Variants in CNKSR1 observed in about 807,000 individuals in gnomAD.
The protein encoded by CNKSR1 is CNK homolog protein 1.
CNKSR1 carries 88 observed loss-of-function variants against 95.6 expected under a neutral mutation model. That is an observed-to-expected ratio of 0.92 (90% CI 0.78 to 1.10). The LOEUF (loss-of-function observed/expected upper bound fraction) is 1.10, where lower values mean the gene tolerates loss of function less well. Among genes scored for constraint, CNKSR1 ranks in the 50% least tolerant of loss-of-function variants. The pLI, the probability that CNKSR1 is intolerant of heterozygous loss-of-function variation, is 0.00. For missense variants in CNKSR1, 836 were observed against 912.0 expected, an observed-to-expected ratio of 0.92 and a Z score of 1.07; for synonymous variants, 355 against 369.7, an observed-to-expected ratio of 0.96 and a Z score of 0.46.
chr1:26,184,160 G>T lies in CNKSR1; in HGVS notation c.926+19G>T, dbSNP rs200925514. On this transcript the variant is annotated intron_variant, in intron 10 of 20. Coordinates refer to ENST00000361530, the MANE Select transcript of CNKSR1 (RefSeq NM_006314.3). ...CTCCCAGGTAACAGGCTCTGTCCAG[G>T]TGTGTCTTGGTGGGGAGACCGTGGG... The T allele has an allele frequency of 6.2e-7, 1 of 1,612,564 alleles. No individual in the cohort carries two copies. Among genetic ancestry groups the T allele is most frequent in the Non-Finnish European group, 8.5e-7 (1 of 1,179,388 alleles).
rs376326724 is a variant in CNKSR1 at position 26,184,629 on chromosome 1, A to T, written c.1135+17A>T. ...AATCAAAAGGTATGAGGTGCGCTGG[A>T]CTAGGTGGGGGTTCCCCTGTTTGAG... is the stretch of plus-strand genomic sequence containing the variant. On this transcript the variant is annotated intron_variant, in intron 13 of 20. Coordinates refer to ENST00000361530, the MANE Select transcript of CNKSR1 (RefSeq NM_006314.3). 1 of 1,592,024 alleles carries T rather than the reference A, an allele frequency of 6.3e-7. No homozygotes were observed.
At position 26,189,533 on chromosome 1, in the gene CNKSR1, A is replaced by G. The variant is rs762460034; in HGVS notation, c.2127A>G (p.Arg709=). ...LCPLTSESSL[R]PPDL is the part of the protein sequence containing the mutation. Reference sequence around the variant, plus strand: ...CCCTGACCTCAGAGAGCAGCCTCCGACCTCCTGACCTCTGACCCTGGCCAG... The same window carrying G: ...CCCTGACCTCAGAGAGCAGCCTCCGGCCTCCTGACCTCTGACCCTGGCCAG... The change falls in exon 21 of 21, where the codon CGA becomes CGG. Residue 709 remains arginine, a synonymous_variant. Coordinates refer to ENST00000361530, the MANE Select transcript of CNKSR1 (RefSeq NM_006314.3). 1.6e-5 allele frequency: 25 copies of G among 1,521,584 alleles called. No homozygotes were observed. The highest frequency in any genetic ancestry group is 3.3e-5 in the Admixed American group (2 of 59,804). 94.3% of individuals were successfully genotyped at this position (1,521,584 alleles called of 1,614,324 possible). A position where few individuals can be genotyped will look rare whatever the true frequency, so the allele number is the denominator to read the frequency against.
At chr1:26,183,520 T>C in intron 8 of CNKSR1, 106 bp downstream of exon 8, 1 of 1,292,794 alleles carries the variant, frequency 7.7e-7, no homozygotes, top group Non-Finnish European at 1.1e-6. Context: ...TTGTGGGAGC[T>C]GCCTTCCAGG....
In CNKSR1 at chr1:26,183,726, C is replaced by A; in HGVS notation, c.754-3C>A. On this transcript the variant is annotated splice_polypyrimidine_tract_variant and splice_region_variant and intron_variant, in intron 8 of 20. Coordinates refer to ENST00000361530, the MANE Select transcript of CNKSR1 (RefSeq NM_006314.3). ...GATACCAGCCAGTGTTTCTGTCCCC[C>A]AGGTGGGATGGCCCCGTAAGAACAT... The A allele has an allele frequency of 6.2e-7, 1 of 1,606,988 alleles. No individual in the cohort carries two copies. Among genetic ancestry groups the A allele is most frequent in the Admixed American group, 1.7e-5 (1 of 60,008 alleles).
Position 26,181,955 on chromosome 1 carries a change from GGGCCA to G in CNKSR1, c.477+18_477+22del. 6.2e-7 allele frequency: 1 copy of G among 1,613,228 alleles called. No individual in the cohort carries two copies. Among genetic ancestry groups the G allele is most frequent in the South Asian group, 1.1e-5 (1 of 91,054 alleles). On this transcript the variant is annotated intron_variant, in intron 4 of 20. Coordinates refer to ENST00000361530, the MANE Select transcript of CNKSR1 (RefSeq NM_006314.3). Reference sequence around the variant, plus strand: ...GTCTTGCATGAGGTAGGAGAACCAAGGGCCAGGCTTGGCCCATGCCCTAGAGACCA... The same window carrying G: ...GTCTTGCATGAGGTAGGAGAACCAAGGGCTTGGCCCATGCCCTAGAGACCA...
chr1:26,188,571 C>A (rs758145676), intron 18 of CNKSR1, 27 bp from the exon 19 acceptor site: 5 of 1,612,786 alleles, frequency 3.1e-6, no homozygotes, highest in Non-Finnish European at 3.4e-6. Flanking sequence ...AGACAGAAAC[C>A]CTCTGTGCTT....
intron 8 of CNKSR1, 86 bp from the exon 9 acceptor site, chr1:26,183,643 A>C: frequency 8.9e-7 from 1 of 1,125,766 alleles, no homozygotes. Flanking sequence ...AGGCTGAGAG[A>C]GAGCTCCCAG....
intron 19 of CNKSR1, 34 bp downstream of exon 19, chr1:26,188,731 C>T: frequency 6.2e-7 from 1 of 1,611,606 alleles, no homozygotes; most frequent in Non-Finnish European, 8.5e-7. Context: ...GGGCTGGGGG[C>T]TGGGGTGGGC....
intron 3 of CNKSR1, 188 bp from the exon 4 acceptor site, chr1:26,181,669 T>A (rs946150772): frequency 4.8e-5 from 30 of 629,738 alleles, no homozygotes; most frequent in Middle Eastern, 4.0e-4. Flanking sequence ...GCTTGGCATG[T>A]GGTAGGCACA....
In CNKSR1 at chr1:26,181,678, C is replaced by A. The variant is rs536163927; in HGVS notation, c.393-179C>A. On this transcript the variant is annotated intron_variant, in intron 3 of 20. Coordinates refer to ENST00000361530, the MANE Select transcript of CNKSR1 (RefSeq NM_006314.3). ...AACAGGGCTTGGCATGTGGTAGGCA[C>A]ATGACAAATAAGTCCTGTGCTAATC... The A allele has an allele frequency of 1.0e-3, 652 of 652,488 alleles. 8 individuals are homozygous for A. The highest frequency in any genetic ancestry group is 5.8e-5 in the Non-Finnish European group (21 of 358,990). 40.4% of individuals were successfully genotyped at this position (652,488 alleles called of 1,614,324 possible). A position where few individuals can be genotyped will look rare whatever the true frequency, so the allele number is the denominator to read the frequency against.
In CNKSR1 at chr1:26,182,664, C is replaced by G; in HGVS notation, c.624+80C>G. The G allele has an allele frequency of 4.0e-6, 5 of 1,250,728 alleles. No homozygotes were observed. In the South Asian group the frequency reaches 6.3e-5, roughly 16 times the overall value. The allele number at this position is 1,250,728 out of a possible 1,614,324, so 77.5% of individuals were successfully genotyped here. A position where few individuals can be genotyped will look rare whatever the true frequency, so the allele number is the denominator to read the frequency against. On this transcript the variant is annotated intron_variant, in intron 6 of 20. Coordinates refer to ENST00000361530, the MANE Select transcript of CNKSR1 (RefSeq NM_006314.3). ...CCCTGAAATAGGGTCCAGGATCCCA[C>G]AGAACCCTGTGCTGCCATGGCTGGA...
chr1:26,187,864 G>A (rs1458731594), intron 16 of CNKSR1, among the ~76,000 whole-genome samples: 10 of 151,674 alleles, frequency 6.6e-5, no homozygotes, highest in African/African-American at 1.9e-4. Flanking sequence ...CTTGTGATCC[G>A]CCTGCCTCGG....
Position 26,188,605 on chromosome 1 carries a change from C to G in CNKSR1, c.1598C>G (p.Pro533Arg), listed in dbSNP as rs1430517899. 2 of 1,613,782 alleles carry G rather than the reference C, an allele frequency of 1.2e-6. No homozygotes were observed. Among genetic ancestry groups the G allele is most frequent in the Non-Finnish European group, 1.7e-6 (2 of 1,179,872 alleles). ...EAGSHSASPS[P>R]AQAGSPLHGD... ...TTTCCACCCTGCCTGCAGCCCAGCCCTGCTCAAGCTGGGAGTCCCCTCCAT... is the reference window on the plus strand; with the variant it reads ...TTTCCACCCTGCCTGCAGCCCAGCCGTGCTCAAGCTGGGAGTCCCCTCCAT... The change falls in exon 19 of 21, where the codon CCT (proline) becomes CGT (arginine). Residue 533 changes from proline (P) to arginine (R), a missense_variant. Physicochemically the swap from Pro to Arg is moderately radical, Grantham distance 103. Transcript: ENST00000361530.
intron 13 of CNKSR1, 147 bp downstream of exon 13, chr1:26,184,759 CCA>C: frequency 1.9e-6 from 2 of 1,042,048 alleles, no homozygotes; most frequent in Middle Eastern, 5.9e-4. Flanking sequence ...AGCTGTGCTC[CCA>C]GTCTGGGCCT....
At chr1:26,187,141 C>G (rs2088770086) in intron 14 of CNKSR1, 27 bp from the exon 15 acceptor site, 1 of 1,596,952 alleles carries the variant, frequency 6.3e-7, no homozygotes, top group Non-Finnish European at 8.6e-7. Flanking sequence ...GGGTTCCAAC[C>G]TGACCCTCAT....
At chr1:26,183,443 G>T (rs766801068) in intron 8 of CNKSR1, 29 bp downstream of exon 8, 5 of 1,611,684 alleles carry the variant, frequency 3.1e-6, no homozygotes, top group Non-Finnish European at 4.2e-6. Context: ...ATGGTAGGAG[G>T]TGAAGGGGTC....
rs773515556 is a variant in CNKSR1, at chr1:26,181,852, G to GC, written c.393-3dup. The GC allele has an allele frequency of 6.2e-7, 1 of 1,613,880 alleles. No homozygotes were observed. The highest frequency in any genetic ancestry group is 8.5e-7 in the Non-Finnish European group (1 of 1,179,876). ...TTAACCACTGTGCTATTCTTCCCCT[G>GC]CCAGGTACCTCTTCTCCCACTTAAA... On this transcript the variant is annotated splice_polypyrimidine_tract_variant and splice_region_variant and intron_variant, in intron 3 of 20. Transcript: ENST00000361530.
chr1:26,189,152 A>T, intron 20 of CNKSR1, 127 bp from the exon 21 acceptor site: 1 of 1,334,850 alleles, frequency 7.5e-7, no homozygotes, highest in Non-Finnish European at 1.1e-6. Flanking sequence ...AGTCTCACCT[A>T]GGCTCCTCGT....
rs760737710 is a variant in CNKSR1, at chr1:26,188,656, C to G, written c.1649C>G (p.Pro550Arg). The G allele has an allele frequency of 1.5e-5, 24 of 1,613,768 alleles. No individual in the cohort carries two copies. The Admixed American group carries it at 3.7e-4, about 25-fold the overall frequency. Reference sequence around the variant, plus strand: ...GGAGACACATCACCTGCAGCCACCCCCACACAGCGCAGCCCACGGACCTCC... The same window carrying G: ...GGAGACACATCACCTGCAGCCACCCGCACACAGCGCAGCCCACGGACCTCC... ...LHGDTSPAAT[P>R]TQRSPRTSFG... Residue 550 changes from proline to arginine, a missense_variant, in exon 19 of 21, where the codon CCC becomes CGC. Transcript: ENST00000361530.
Sources: allele counts gnomAD v4.1 joint callset (sites outside exome capture counted in the v4.1 genomes callset), GRCh38; gene constraint gnomAD v4.1.1; transcripts MANE v1.5; gene names NCBI Gene and HGNC (gene_info 2026-07-23, HGNC 2026-07-21).